The following CHST15 variants were observed in gnomAD, a reference collection of about 807,000 sequenced individuals.
The protein encoded by CHST15 is B cell RAG associated protein (GALNAC4S-6ST).
Under a neutral mutation model 53.6 loss-of-function variants are expected in CHST15, and 30 were observed. The ratio of observed to expected loss-of-function variants is 0.56; its 90% CI spans 0.42 to 0.76. The LOEUF (loss-of-function observed/expected upper bound fraction) is 0.76, where lower values mean the gene tolerates loss of function less well. Among genes scored for constraint, CHST15 ranks in the 30% least tolerant of loss-of-function variants. The pLI is 0.00. For synonymous variants in CHST15, 296 were observed against 289.8 expected (o/e 1.02, Z -0.22); for missense variants, 627 against 740.5 (o/e 0.85, Z 1.78).
intron 5 of CHST15, among the ~76,000 whole-genome samples, chr10:124,027,075 G>C (rs1047258523): frequency 4.6e-5 from 7 of 152,124 alleles, no homozygotes; most frequent in Non-Finnish European, 8.8e-5. Context: ...CGAACAGATG[G>C]GTATTACATT....
Position 124,009,580 on chromosome 10 carries a change from G to A in CHST15, c.*569C>T, listed in dbSNP as rs192973167. 9 of 989,052 alleles carry A rather than the reference G, an allele frequency of 9.1e-6. No homozygotes were observed. Among genetic ancestry groups the A allele is most frequent in the Non-Finnish European group, 9.6e-6 (8 of 831,986 alleles). 61.3% of individuals were successfully genotyped at this position (989,052 alleles called of 1,614,324 possible). On this transcript the variant is annotated 3_prime_UTR_variant, in exon 8 of 8. Coordinates refer to ENST00000435907, the MANE Select transcript of CHST15 (RefSeq NM_001270764.2). ...AGAGCCTCCATTCTCGAAAGACTGC[G>A]GTTCTCTGTCCCAGTGAGGTTAGCG...
Position 124,010,103 on chromosome 10 carries a change from G to C in CHST15, c.*46C>G, listed in dbSNP as rs540719623. On this transcript the variant is annotated 3_prime_UTR_variant, in exon 8 of 8. Transcript: ENST00000435907. The stretch of plus-strand genomic sequence containing the variant: ...GCAAAGAGATTTGTAAAATCCTGAT[G>C]ATGACGGCATTGGCGGGCCCAGCAC... The C allele has an allele frequency of 1.6e-5, 26 of 1,611,912 alleles. No homozygotes were observed. The East Asian group carries it at 5.8e-4, about 36-fold the overall frequency.
At chr10:124,039,665 C>G (rs1416804594) in intron 4 of CHST15, among the ~76,000 whole-genome samples, 1 of 152,222 alleles carries the variant, frequency 6.6e-6, no homozygotes, top group Non-Finnish European at 1.5e-5. Flanking sequence ...CGTCCCAGCA[C>G]AGAGGTGATG....
intron 6 of CHST15, chr10:124,020,829 T>G: frequency 8.3e-7 from 1 of 1,201,690 alleles, no homozygotes; most frequent in East Asian, 3.7e-5. Flanking sequence ...TGTTTTTCAA[T>G]TGAGACTCTG....
At chr10:124,090,144 C>T (rs1023232426) in intron 1 of CHST15, among the ~76,000 whole-genome samples, 2 of 152,188 alleles carry the variant, frequency 1.3e-5, no homozygotes, top group African/African-American at 2.4e-5. Context: ...AGATAAGCAC[C>T]GGGCCAGATG....
chr10:124,015,935 C>T (rs918818449), intron 6 of CHST15, among the ~76,000 whole-genome samples: 2 of 152,230 alleles, frequency 1.3e-5, no homozygotes, highest in Admixed American at 1.3e-4. Context: ...GCCCTGGTGG[C>T]TCTCCAACCG....
In CHST15 at chr10:124,080,860, C is replaced by T. The variant is rs902954215; in HGVS notation, c.-513+12609G>A. Among the ~76,000 whole-genome samples the T allele has an allele frequency of 6.6e-5, 10 of 152,216 alleles. 1 individual carries two copies. The highest frequency in any genetic ancestry group is 6.2e-4 in the South Asian group (3 of 4,826). ...TCCTTTCACCCATCTGTCTGTCCAT[C>T]GGCCCAATCATTCTTTCCCATGGAC... On this transcript the variant is annotated intron_variant, in intron 1 of 7. Coordinates refer to ENST00000435907, the MANE Select transcript of CHST15 (RefSeq NM_001270764.2).
At chr10:124,051,323 G>T (rs1463430228) in intron 1 of CHST15, among the ~76,000 whole-genome samples, 1 of 152,094 alleles carries the variant, frequency 6.6e-6, no homozygotes, top group Non-Finnish European at 1.5e-5. Context: ...AACTATTAAA[G>T]AACATAACTC....
At chr10:124,086,832 G>A (rs553316952) in intron 1 of CHST15, among the ~76,000 whole-genome samples, 6 of 152,146 alleles carry the variant, frequency 3.9e-5, no homozygotes, top group Admixed American at 2.0e-4. Flanking sequence ...TGGGGAAACC[G>A]AGATGCAAGC....
chr10:124,058,756 G>A (rs1948466280), intron 1 of CHST15, among the ~76,000 whole-genome samples: 1 of 152,192 alleles, frequency 6.6e-6, no homozygotes, highest in African/African-American at 2.4e-5. Context: ...TTAAATTAAA[G>A]AGTCAGGGAA....
At chr10:124,040,842 TTTTTCATTC>T (rs1201807242) in intron 4 of CHST15, among the ~76,000 whole-genome samples, 6 of 152,268 alleles carry the variant, frequency 3.9e-5, no homozygotes, top group Non-Finnish European at 7.3e-5. Context: ...AGTGATTTTA[TTTTTCATTC>T]TTTTTAAAAT....
At chr10:124,011,544 C>A (rs559499564) in intron 7 of CHST15, 1 of 985,464 alleles carries the variant, frequency 1.0e-6, no homozygotes, top group South Asian at 4.7e-5. Context: ...CTGCAGGAGG[C>A]GTTCTGGGAA....
chr10:124,013,547 C>T (rs1305008913), intron 6 of CHST15, among the ~76,000 whole-genome samples: 1 of 152,182 alleles, frequency 6.6e-6, no homozygotes, highest in African/African-American at 2.4e-5. Context: ...TAAATCATAA[C>T]CAATAGTGTA....
chr10:124,041,570 G>A (rs1246870981), intron 4 of CHST15, among the ~76,000 whole-genome samples: 1 of 151,934 alleles, frequency 6.6e-6, no homozygotes, highest in Non-Finnish European at 1.5e-5. Context: ...AAAGGTAACT[G>A]TGAAAAAAAC....
At chr10:124,016,913 T>C (rs901600517) in intron 6 of CHST15, among the ~76,000 whole-genome samples, 1 of 152,156 alleles carries the variant, frequency 6.6e-6, no homozygotes, top group Non-Finnish European at 1.5e-5. Flanking sequence ...ATGGTGCCCA[T>C]GAACTTATGG....
At chr10:124,014,713 C>G (rs1253627554) in intron 6 of CHST15, among the ~76,000 whole-genome samples, 1 of 152,184 alleles carries the variant, frequency 6.6e-6, no homozygotes, top group African/African-American at 2.4e-5. Context: ...AGAGGACGTG[C>G]CTTTCAACAG....
At position 124,074,642 on chromosome 10, in the gene CHST15, G is replaced by A. The variant is rs1949018559; in HGVS notation, c.-513+18827C>T. On this transcript the variant is annotated intron_variant, in intron 1 of 7. Transcript: ENST00000435907. This position sits in a 1 kb window ranked among gnomAD's most constrained non-coding sequence, Gnocchi z 4.4. Reference sequence around the variant, plus strand: ...CCATTATGACCTGGAGCTCTCCAATGCACCCCGCGCCTCTGCCAGACTGGG... The same window carrying A: ...CCATTATGACCTGGAGCTCTCCAATACACCCCGCGCCTCTGCCAGACTGGG... Among the ~76,000 whole-genome samples the A allele has an allele frequency of 6.6e-6, 1 of 152,136 alleles. No individual in the cohort carries two copies. Among genetic ancestry groups the A allele is most frequent in the South Asian group, 2.1e-4 (1 of 4,830 alleles).
chr10:124,069,679 C>T (rs1301060253), intron 1 of CHST15, among the ~76,000 whole-genome samples: 1 of 152,160 alleles, frequency 6.6e-6, no homozygotes, highest in Non-Finnish European at 1.5e-5. Flanking sequence ...GAGCAGGGGA[C>T]CCAGAAAACA....
chr10:124,021,235 A>AC (rs762769906), intron 6 of CHST15, 21 bp downstream of exon 6: 2 of 242,734 alleles, frequency 8.2e-6, no homozygotes, highest in Middle Eastern at 7.0e-4. Context: ...CTCGGGGGGT[A>AC]CGGGGGGGGG....
Sources: gnomAD v4.1 joint callset for allele counts (sites outside exome capture counted in the v4.1 genomes callset) on GRCh38, gnomAD v4.1.1 for gene constraint, Gnocchi (gnomAD v3.1) non-coding constraint, MANE v1.5 for transcripts, NCBI Gene and HGNC (gene_info 2026-07-23, HGNC 2026-07-21) for gene names.